The following TBC1D4 variants were observed in gnomAD, a reference collection of about 807,000 sequenced individuals.
TBC1D4 encodes the protein TBC1 domain family member 4.
A neutral mutation model predicts 142.5 loss-of-function variants in TBC1D4; 121 were observed. The observed-to-expected ratio is 0.85, with a 90% CI of 0.73 to 0.99. The LOEUF is 0.99. Ranked by LOEUF, TBC1D4 falls within the 50% of genes least tolerant of loss-of-function variation. The pLI is 0.00. For synonymous variants in TBC1D4, 630 were observed against 628.2 expected (o/e 1.00, Z -0.04); for missense variants, 1,475 against 1,606.6 (o/e 0.92, Z 1.40).
chr13:75,400,007 C>T (rs1885002757), intron 1 of TBC1D4, among the ~76,000 whole-genome samples: 1 of 152,132 alleles, frequency 6.6e-6, no homozygotes, highest in African/African-American at 2.4e-5. Flanking sequence ...GCCGAGGCAC[C>T]ACCCAGTAAA....
intron 12 of TBC1D4, 78 bp downstream of exon 12, chr13:75,319,936 T>C: frequency 6.5e-7 from 1 of 1,530,824 alleles, no homozygotes; most frequent in Non-Finnish European, 8.9e-7. Context: ...ACAAAACTGC[T>C]TTTTAAACTA....
rs1435668974 is a variant in TBC1D4, at chr13:75,294,952, A to G, written c.3218T>C (p.Leu1073Pro). 3.7e-6 allele frequency: 6 copies of G among 1,613,830 alleles called. No homozygotes were observed. In the Admixed American group the frequency reaches 6.7e-5, roughly 18 times the overall value. ...ACTGGGGCTGATTTCATTTTCTTCAAGGTGATTGTAGAGATCTCTGTGATA... is the reference window on the plus strand; with the variant it reads ...ACTGGGGCTGATTTCATTTTCTTCAGGGTGATTGTAGAGATCTCTGTGATA... The part of the protein sequence containing the change: ...HDYHRDLYNH[L>P]EENEISPSLY... Residue 1073 changes from leucine to proline, a missense_variant, in exon 18 of 21, where the codon CTT becomes CCT. Physicochemically the swap from Leu to Pro is moderately conservative, Grantham distance 98 (BLOSUM62 -3). This residue lies in a region of TBC1D4 where 248 missense variants were observed against 338.9 expected (regional missense o/e 0.73). Coordinates refer to ENST00000377636, the MANE Select transcript of TBC1D4 (RefSeq NM_014832.5).
chr13:75,480,873 G>GCA (rs71657792), intron 1 of TBC1D4, among the ~76,000 whole-genome samples: 1,070 of 98,870 alleles, frequency 0.011, 15 homozygotes, highest in African/African-American at 0.035. Flanking sequence ...GCGCGCACAC[G>GCA]CACGCACACA....
chr13:75,347,614 T>C (rs1397005488), intron 5 of TBC1D4, among the ~76,000 whole-genome samples: 1 of 152,214 alleles, frequency 6.6e-6, no homozygotes, highest in East Asian at 1.9e-4. Flanking sequence ...CTTTGATCCA[T>C]CTAGCATGTA....
intron 1 of TBC1D4, among the ~76,000 whole-genome samples, chr13:75,413,959 A>AAG (rs1234797746): frequency 9.2e-5 from 14 of 152,304 alleles, no homozygotes; most frequent in African/African-American, 3.4e-4. Context: ...GTCCCACAAG[A>AAG]GATTGTGCTT....
intron 1 of TBC1D4, among the ~76,000 whole-genome samples, chr13:75,458,220 G>C (rs576612907): frequency 2.9e-4 from 44 of 152,184 alleles, no homozygotes; most frequent in African/African-American, 9.6e-4. Flanking sequence ...TGGGGAGCTG[G>C]AAAGAGGATG....
intron 1 of TBC1D4, among the ~76,000 whole-genome samples, chr13:75,446,502 A>C (rs1318281676): frequency 6.6e-6 from 1 of 152,246 alleles, no homozygotes. Context: ...AGCTAACATG[A>C]AATCAACATG....
At position 75,362,006 on chromosome 13, in the gene TBC1D4, C is replaced by G. The variant is rs760223978; in HGVS notation, c.1080+20G>C. The G allele has an allele frequency of 6.2e-7, 1 of 1,613,880 alleles. No individual in the cohort carries two copies. Among genetic ancestry groups the G allele is most frequent in the African/African-American group, 1.3e-5 (1 of 74,918 alleles). On this transcript the variant is annotated intron_variant, in intron 2 of 20. Coordinates refer to ENST00000377636, the MANE Select transcript of TBC1D4 (RefSeq NM_014832.5). This position sits in a 1 kb window ranked among gnomAD's most constrained non-coding sequence, Gnocchi z 4.2. ...TGGCACCTTTTGGGGCAAGGGCAGACAGCGTCCGATCAGGTGTACCTGGAA... is the reference window on the plus strand; with the variant it reads ...TGGCACCTTTTGGGGCAAGGGCAGAGAGCGTCCGATCAGGTGTACCTGGAA...
intron 1 of TBC1D4, among the ~76,000 whole-genome samples, chr13:75,413,502 A>AC (rs1885773537): frequency 6.6e-6 from 1 of 151,784 alleles, no homozygotes; most frequent in Non-Finnish European, 1.5e-5. Flanking sequence ...TTTTTTTGTG[A>AC]TTTTTTTTAG....
intron 1 of TBC1D4, among the ~76,000 whole-genome samples, chr13:75,409,037 A>ACACG (rs1885472153): frequency 1.4e-4 from 1 of 7,078 alleles, no homozygotes; most frequent in Non-Finnish European, 3.0e-4. Context: ...ATATATACAC[A>ACACG]CACGCACACA....
At chr13:75,299,939 A>G (rs1293986793) in intron 16 of TBC1D4, among the ~76,000 whole-genome samples, 1 of 152,104 alleles carries the variant, frequency 6.6e-6, no homozygotes, top group African/African-American at 2.4e-5. Flanking sequence ...AGCAAGGCAA[A>G]TTCTAATTCA....
intron 17 of TBC1D4, among the ~76,000 whole-genome samples, chr13:75,295,536 G>C (rs1335894783): frequency 6.6e-6 from 1 of 152,172 alleles, no homozygotes; most frequent in Non-Finnish European, 1.5e-5. Flanking sequence ...AGGGCCAGAA[G>C]CTTGAGATTT....
intron 1 of TBC1D4, among the ~76,000 whole-genome samples, chr13:75,419,757 C>T (rs1886084243): frequency 6.6e-6 from 1 of 152,198 alleles, no homozygotes; most frequent in South Asian, 2.1e-4. Context: ...AAAATCTTCG[C>T]TGAGTGCTTA....
chr13:75,480,877 G>GCACACACACACACACACACA (rs35548574), intron 1 of TBC1D4, among the ~76,000 whole-genome samples: 5 of 124,196 alleles, frequency 4.0e-5, no homozygotes, highest in African/African-American at 1.0e-4. Context: ...GCACACGCAC[G>GCACACACACACACACACACA]CACACACACA....
intron 1 of TBC1D4, among the ~76,000 whole-genome samples, chr13:75,424,939 G>GTGATTTTTT (rs1886319739): frequency 6.6e-6 from 1 of 152,072 alleles, no homozygotes. Flanking sequence ...GATCCAAGCA[G>GTGATTTTTT]TGATTTTTTT....
At chr13:75,480,546 A>G (rs1250032686) in intron 1 of TBC1D4, among the ~76,000 whole-genome samples, 1 of 152,252 alleles carries the variant, frequency 6.6e-6, no homozygotes, top group Admixed American at 6.5e-5. Context: ...TATTAAAAAC[A>G]AAAGTGAAAA....
intron 1 of TBC1D4, among the ~76,000 whole-genome samples, chr13:75,425,588 T>A (rs1251454792): frequency 6.6e-6 from 1 of 152,178 alleles, no homozygotes; most frequent in Non-Finnish European, 1.5e-5. Flanking sequence ...AACAGATGAA[T>A]GAATATAAAA....
At chr13:75,379,869 A>G in intron 1 of TBC1D4, among the ~76,000 whole-genome samples, 1 of 145,156 alleles carries the variant, frequency 6.9e-6, no homozygotes. Flanking sequence ...GAAGTATATC[A>G]GTTTTGTTCA....
intron 1 of TBC1D4, among the ~76,000 whole-genome samples, chr13:75,463,061 T>C (rs1888034220): frequency 6.6e-6 from 1 of 152,178 alleles, no homozygotes; most frequent in African/African-American, 2.4e-5. Flanking sequence ...TTTTAACTGC[T>C]GTTTAAGTGA....
Sources: allele counts gnomAD v4.1 joint callset (sites outside exome capture counted in the v4.1 genomes callset), GRCh38; gene constraint gnomAD v4.1.1; regional missense constraint gnomAD v4.1.1; non-coding constraint Gnocchi (gnomAD v3.1); transcripts MANE v1.5; gene names NCBI Gene and HGNC (gene_info 2026-07-23, HGNC 2026-07-21).